Variants in GALK2 observed in about 807,000 individuals in gnomAD.
GALK2 encodes N-acetylgalactosamine kinase.
Under a neutral mutation model 52.4 loss-of-function variants are expected in GALK2, and 36 were observed. The ratio of observed to expected loss-of-function variants is 0.69; its 90% CI spans 0.53 to 0.91. The LOEUF is 0.91. Among genes scored for constraint, GALK2 ranks in the 40% least tolerant of loss-of-function variants. GALK2 has a pLI of 0.00. For synonymous variants in GALK2, 176 were observed against 199.1 expected, an observed-to-expected ratio of 0.88 and a Z score of 0.98; for missense variants, 579 against 559.1, an observed-to-expected ratio of 1.04 and a Z score of -0.36.
chr15:49,163,011 G>A (rs907791346), intron 1 of GALK2, among the ~76,000 whole-genome samples: 10 of 152,208 alleles, frequency 6.6e-5, no homozygotes, highest in African/African-American at 2.4e-4. Flanking sequence ...ATCTTGTAGT[G>A]AAATGGTTGG....
At chr15:49,170,130 T>C (rs1365137406), upstream of GALK2, 12 of 1,319,708 alleles carry the variant, frequency 9.1e-6, no homozygotes, top group South Asian at 9.3e-5. Flanking sequence ...GAACCCTGGC[T>C]GAGTCCAGGG....
At chr15:49,244,344 C>T (rs2091246214) in intron 5 of GALK2, among the ~76,000 whole-genome samples, 1 of 151,740 alleles carries the variant, frequency 6.6e-6, no homozygotes, top group Non-Finnish European at 1.5e-5. Context: ...AAAGGCCAAA[C>T]CAAAGAATAT....
chr15:49,190,734 C>T lies in GALK2; in HGVS notation c.54-10428C>T, dbSNP rs553881952. Among the ~76,000 whole-genome samples, 4 of 152,262 alleles carry T rather than the reference C, an allele frequency of 2.6e-5. No homozygotes were observed. The South Asian group carries it at 6.2e-4, about 24-fold the overall frequency. ...TTGATTCTTGGCCAATCCCAGCAGCCGTACTTCAACCAGTCATACACTCCT... is the reference window on the plus strand; with the variant it reads ...TTGATTCTTGGCCAATCCCAGCAGCTGTACTTCAACCAGTCATACACTCCT... On this transcript the variant is annotated intron_variant, in intron 1 of 9. Transcript: ENST00000560031.
chr15:49,337,488 C>CTTCGTTTGAAAAA (rs1432899704), intron 3 of GALK2, among the ~76,000 whole-genome samples: 1 of 18,398 alleles, frequency 5.4e-5, no homozygotes, highest in East Asian at 7.6e-4. Context: ...CTTGCAATGT[C>CTTCGTTTGAAAAA]TGTTCATATC....
At chr15:49,260,919 G>A (rs1418988518) in intron 5 of GALK2, among the ~76,000 whole-genome samples, 4 of 152,074 alleles carry the variant, frequency 2.6e-5, no homozygotes. Context: ...CTGTTCCATT[G>A]ATCTATATCT....
At chr15:49,281,786 C>A (rs181619669) in intron 5 of GALK2, among the ~76,000 whole-genome samples, 1 of 152,176 alleles carries the variant, frequency 6.6e-6, no homozygotes, top group African/African-American at 2.4e-5. Context: ...TTATTCCATA[C>A]CCATAGCAGA....
At chr15:49,177,814 A>C in intron 1 of GALK2, 1 of 358,698 alleles carries the variant, frequency 2.8e-6, no homozygotes, top group Non-Finnish European at 5.2e-6. Flanking sequence ...TGGATGAATG[A>C]GGATAACTTC....
At chr15:49,289,157 C>T (rs1473008060) in intron 7 of GALK2, among the ~76,000 whole-genome samples, 1 of 152,126 alleles carries the variant, frequency 6.6e-6, no homozygotes, top group African/African-American at 2.4e-5. Flanking sequence ...TTCTGGTGGG[C>T]TGTGAGCTGC....
chr15:49,205,084 T>A (rs2088157140), intron 2 of GALK2, among the ~76,000 whole-genome samples: 1 of 152,240 alleles, frequency 6.6e-6, no homozygotes, highest in Non-Finnish European at 1.5e-5. Flanking sequence ...ACAGTTTCTT[T>A]ATCTACTTGT....
intron 3 of GALK2, among the ~76,000 whole-genome samples, chr15:49,362,705 G>A (rs970216566): frequency 3.9e-5 from 6 of 151,936 alleles, no homozygotes; most frequent in African/African-American, 1.2e-4. Context: ...CATTTCCTAC[G>A]TTCAGAATGG....
chr15:49,298,846 A>G (rs1433966867), intron 8 of GALK2, among the ~76,000 whole-genome samples: 1 of 152,148 alleles, frequency 6.6e-6, no homozygotes, highest in African/African-American at 2.4e-5. Context: ...TATATTCATC[A>G]GGGATATTGG....
At chr15:49,180,193 C>T (rs2085852872) in intron 1 of GALK2, among the ~76,000 whole-genome samples, 1 of 152,134 alleles carries the variant, frequency 6.6e-6, no homozygotes, top group Non-Finnish European at 1.5e-5. Flanking sequence ...GTTAGCACTT[C>T]ATGTTATTTG....
At chr15:49,355,264 A>G (rs2042946712) in intron 3 of GALK2, among the ~76,000 whole-genome samples, 1 of 152,244 alleles carries the variant, frequency 6.6e-6, no homozygotes, top group South Asian at 2.1e-4. Flanking sequence ...AGCTCAGAGA[A>G]GAAGGCTTCA....
chr15:49,318,850 C>G (rs2036636913), intron 8 of GALK2: 1 of 423,566 alleles, frequency 2.4e-6, no homozygotes, highest in African/African-American at 2.1e-5. Flanking sequence ...AAGCATGTCA[C>G]TTCACTCTAT....
intron 3 of GALK2, among the ~76,000 whole-genome samples, chr15:49,224,743 G>T (rs2090031874): frequency 6.6e-6 from 1 of 152,154 alleles, no homozygotes; most frequent in Non-Finnish European, 1.5e-5. Context: ...TAGCCTTGTA[G>T]TATAATTTGA....
downstream of GALK2, among the ~76,000 whole-genome samples, chr15:49,336,710 T>A (rs2039778146): frequency 6.6e-6 from 1 of 152,226 alleles, no homozygotes; most frequent in Admixed American, 6.5e-5. Flanking sequence ...AAAAATAATT[T>A]CAACTTTTAT....
chr15:49,319,018 T>C, intron 8 of GALK2: 1 of 438,420 alleles, frequency 2.3e-6, no homozygotes, highest in Non-Finnish European at 4.5e-6. Flanking sequence ...CGGCGTGATC[T>C]CAGCTCACTG....
In GALK2 at chr15:49,242,022, G is replaced by GT. The variant is rs947571648; in HGVS notation, c.504+2666dup. Among the ~76,000 whole-genome samples, 257 of 147,080 alleles carry GT rather than the reference G, an allele frequency of 1.7e-3. 1 individual carries two copies. The highest frequency in any genetic ancestry group is 4.8e-3 in the Admixed American group (70 of 14,692). Reference sequence around the variant, plus strand: ...AGGACTGAGCATAATTATTTGGAGAGTTTTTTTTTTTCTGGAGTGAGACAG... The same window carrying GT: ...AGGACTGAGCATAATTATTTGGAGAGTTTTTTTTTTTTCTGGAGTGAGACAG... On this transcript the variant is annotated intron_variant, in intron 5 of 9. Transcript: ENST00000560031.
At chr15:49,336,036 G>C (rs538462429), downstream of GALK2, among the ~76,000 whole-genome samples, 24 of 152,126 alleles carry the variant, frequency 1.6e-4, no homozygotes, top group Admixed American at 2.6e-4. Context: ...TCAAACTCCT[G>C]GGCTCTAGCA....
Sources: allele counts gnomAD v4.1 joint callset (sites outside exome capture counted in the v4.1 genomes callset), GRCh38; gene constraint gnomAD v4.1.1; transcripts MANE v1.5; gene names NCBI Gene and HGNC (gene_info 2026-07-23, HGNC 2026-07-21).